Variants in PPP1CA observed in about 807,000 individuals in gnomAD.
PPP1CA encodes the protein protein phosphatase 1 catalytic subunit alpha.
A neutral mutation model predicts 38.5 loss-of-function variants in PPP1CA; 14 were observed. That is an observed-to-expected ratio of 0.36 (90% confidence interval 0.24 to 0.57). The LOEUF is 0.57. Ranked by LOEUF, PPP1CA falls within the 20% of genes least tolerant of loss-of-function variation. PPP1CA has a pLI of 0.80. For missense variants in PPP1CA, 277 were observed against 435.2 expected, an observed-to-expected ratio of 0.64 and a Z score of 3.23; for synonymous variants, 200 against 177.3, an observed-to-expected ratio of 1.13 and a Z score of -1.02.
In PPP1CA at chr11:67,399,175, G is replaced by C; in HGVS notation, c.524-12C>G. The C allele has an allele frequency of 6.2e-7, 1 of 1,608,490 alleles. No homozygotes were observed. Among genetic ancestry groups the C allele is most frequent in the Non-Finnish European group, 8.5e-7 (1 of 1,176,110 alleles). The stretch of plus-strand genomic sequence containing the variant: ...GTCCGGGGACAGGCCTGGGGGGCCG[G>C]GGGAAGGTCACTTCCTCAAACAAGG... On this transcript the variant is annotated splice_polypyrimidine_tract_variant and intron_variant, in intron 4 of 6. Transcript: ENST00000376745.
chr11:67,398,854 C>A lies in PPP1CA; in HGVS notation c.750G>T (p.Val250=), dbSNP rs1288805861. 2.5e-6 allele frequency: 4 copies of A among 1,612,562 alleles called. No homozygotes were observed. Among genetic ancestry groups the A allele is most frequent in the Non-Finnish European group, 3.4e-6 (4 of 1,179,960 alleles). ...DLDLICRAHQ[V]VEDGYEFFAK... ...CAAAGAACTCGTAGCCGTCTTCTACCACCTGGGCGAGGATGGGAGCAGTCA... is the reference window on the plus strand; with the variant it reads ...CAAAGAACTCGTAGCCGTCTTCTACAACCTGGGCGAGGATGGGAGCAGTCA... The change falls in exon 6 of 7, where the codon GTG becomes GTT. Residue 250 remains valine, a splice_region_variant and synonymous_variant. Transcript: ENST00000376745.
At position 67,398,913 on chromosome 11, in the gene PPP1CA, TGCCGCAGGCCGGA is replaced by T. The variant is rs762574765; in HGVS notation, c.747+14_747+26del. ...CGCAGGCACGGCCCTCCCCTTCCCC[TGCCGCAGGCCGGA>T]GCCACCAGCCCACCTGGTGTGCTCG... On this transcript the variant is annotated intron_variant, in intron 5 of 6. Transcript: ENST00000376745. The T allele has an allele frequency of 1.9e-6, 3 of 1,612,300 alleles. No individual in the cohort carries two copies. The African/African-American group carries it at 4.0e-5, about 21-fold the overall frequency.
Position 67,398,737 on chromosome 11 carries a change from G to T in PPP1CA, c.867C>A (p.Leu289=). The T allele has an allele frequency of 6.2e-7, 1 of 1,613,956 alleles. No individual in the cohort carries two copies. The highest frequency in any genetic ancestry group is 8.5e-7 in the Non-Finnish European group (1 of 1,179,984). ...CCACACTCACCTGGAAAGAGCACAT[G>T]AGGGTCTCGTCCACACTCATCATGG... ...AGAMMSVDET[L]MCSFQILKPA... The change falls in exon 6 of 7, where the codon CTC becomes CTA. Residue 289 remains leucine (L), a synonymous_variant. Transcript: ENST00000376745.
Position 67,400,690 on chromosome 11 carries a change from C to T in PPP1CA, c.417G>A (p.Glu139=), listed in dbSNP as rs764452133. The change falls in exon 3 of 7, where the codon GAG becomes GAA. Residue 139 remains glutamate (E), a splice_region_variant and synonymous_variant. Transcript: ENST00000376745. ...GCCCCAGACGCTCAGACCACTCACA[C>T]TCATCGTAGAAACCATAGATGCGGT... ...SINRIYGFYD[E]CKRRYNIKLW... is the part of the protein sequence containing the mutation. 23 of 1,613,682 alleles carry T rather than the reference C, an allele frequency of 1.4e-5. No individual in the cohort carries two copies. The highest frequency in any genetic ancestry group is 1.9e-5 in the Non-Finnish European group (23 of 1,179,992).
At chr11:67,399,184 C>T in intron 4 of PPP1CA, 21 bp from the exon 5 acceptor site, 2 of 1,600,994 alleles carry the variant, frequency 1.2e-6, no homozygotes, top group Non-Finnish European at 1.7e-6. Context: ...GGGGGAAGGT[C>T]ACTTCCTCAA....
Position 67,398,645 on chromosome 11 carries a change from T to C in PPP1CA, c.883A>G (p.Ile295Val), listed in dbSNP as rs758115919. 6.2e-7 allele frequency: 1 copy of C among 1,613,966 alleles called. No individual in the cohort carries two copies. Among genetic ancestry groups the C allele is most frequent in the East Asian group, 2.2e-5 (1 of 44,874 alleles). Residue 295 changes from isoleucine (I) to valine (V), a missense_variant and splice_region_variant, in exon 7 of 7, where the codon ATC becomes GTC. Transcript: ENST00000376745. ...TTGTTCTTGTCGGCGGGCTTGAGGA[T>C]CTAAAAGAGACAGTGTTGGTCAGGC... ...VDETLMCSFQ[I>V]LKPADKNKGK...
chr11:67,399,601 G>A lies in PPP1CA; in HGVS notation c.483C>T (p.Ile161=), dbSNP rs765435540. ...AGATCTTTTCGTCCACTATGGCCGC[G>A]ATGGGCAGGCAGTTGAAGCAGTCAG... The part of the protein sequence containing the change: ...TFTDCFNCLP[I]AAIVDEKIFC... The change falls in exon 4 of 7, where the codon ATC becomes ATT. Residue 161 remains isoleucine (I), a synonymous_variant. Transcript: ENST00000376745. 15 of 1,614,000 alleles carry A rather than the reference G, an allele frequency of 9.3e-6. No homozygotes were observed. Among genetic ancestry groups the A allele is most frequent in the African/African-American group, 8.0e-5 (6 of 74,940 alleles).
Position 67,401,769 on chromosome 11 carries a change from T to C in PPP1CA, c.14A>G (p.Glu5Gly). The C allele has an allele frequency of 6.8e-7, 1 of 1,476,384 alleles. No homozygotes were observed. The highest frequency in any genetic ancestry group is 9.1e-7 in the Non-Finnish European group (1 of 1,104,354). The allele number at this position is 1,476,384 out of a possible 1,614,324, so 91.5% of individuals were successfully genotyped here. A position where few individuals can be genotyped will look rare whatever the true frequency, so the allele number is the denominator to read the frequency against. MSDSEKLNLDSIIGR... is the reference protein window; with the variant it reads MSDSGKLNLDSIIGR... Reference sequence around the variant, plus strand: ...GATGATCGAGTCCAGGTTGAGCTTCTCGCTGTCGGACATGGCGGCGCCGCC... The same window carrying C: ...GATGATCGAGTCCAGGTTGAGCTTCCCGCTGTCGGACATGGCGGCGCCGCC... Residue 5 changes from glutamate to glycine, a missense_variant, in exon 1 of 7, where the codon GAG (glutamate) becomes GGG (glycine). Glu to Gly is a moderately conservative substitution (Grantham distance 98, BLOSUM62 -2). Transcript: ENST00000376745.
Position 67,401,705 on chromosome 11 carries a change from G to C in PPP1CA, c.55+23C>G, listed in dbSNP as rs981104136. 18 of 1,412,788 alleles carry C rather than the reference G, an allele frequency of 1.3e-5. No individual in the cohort carries two copies. In the African/African-American group the frequency reaches 2.2e-4, roughly 17 times the overall value. The allele number at this position is 1,412,788 out of a possible 1,614,324, so 87.5% of individuals were successfully genotyped here. ...CAGGGGGCCAGGGCGCGGCGGACGC[G>C]GGCCTCCCCCGCCCCGACCAACCTT... On this transcript the variant is annotated intron_variant, in intron 1 of 6. Coordinates refer to ENST00000376745, the MANE Select transcript of PPP1CA (RefSeq NM_002708.4).
At chr11:67,399,243 T>C (rs1033906963) in intron 4 of PPP1CA, 80 bp from the exon 5 acceptor site, 11 of 1,264,948 alleles carry the variant, frequency 8.7e-6, no homozygotes, top group South Asian at 2.7e-5. Flanking sequence ...ACCCCACCTT[T>C]CCCACCACCC....
intron 4 of PPP1CA, 28 bp downstream of exon 4, chr11:67,399,533 C>T (rs376350050): frequency 1.2e-6 from 2 of 1,600,262 alleles, no homozygotes; most frequent in South Asian, 2.2e-5. Context: ...GGCCAGTGCT[C>T]CTCCTCCCCA....
chr11:67,398,476 G>T lies in PPP1CA; in HGVS notation c.*59C>A, dbSNP rs1195714572. 26 of 1,542,570 alleles carry T rather than the reference G, an allele frequency of 1.7e-5. No individual in the cohort carries two copies. The highest frequency in any genetic ancestry group is 3.4e-5 in the Admixed American group (2 of 58,038). ...GGTCGGGGTGACCCCCCCCCAGCAT[G>T]GCAGCATGATTTCTGTACAATCAAT... On this transcript the variant is annotated 3_prime_UTR_variant, in exon 7 of 7. Transcript: ENST00000376745.
rs950171305 is a variant in PPP1CA at position 67,401,183 on chromosome 11, A to T, written c.72T>A (p.Pro24=). 1 of 1,613,724 alleles carries T rather than the reference A, an allele frequency of 6.2e-7. No homozygotes were observed. The highest frequency in any genetic ancestry group is 1.3e-5 in the African/African-American group (1 of 74,920). Residue 24 remains proline (P), a synonymous_variant, in exon 2 of 7, where the codon CCT becomes CCA. Coordinates refer to ENST00000376745, the MANE Select transcript of PPP1CA (RefSeq NM_002708.4). ...GRLLEVQGSR[P]GKNVQLTENE... ...TCTCTGTCAGCTGTACATTCTTGCC[A>T]GGCCGCGAGCCCTGCACTGGGGCGC...
intron 3 of PPP1CA, 89 bp downstream of exon 3, chr11:67,400,600 G>A (rs1172964883): frequency 1.5e-6 from 2 of 1,296,994 alleles, no homozygotes; most frequent in African/African-American, 2.9e-5. Context: ...TCAAGTGTCT[G>A]TCAGATATCA....
intron 1 of PPP1CA, 141 bp downstream of exon 1, chr11:67,401,587 G>C (rs902091359): frequency 5.7e-5 from 42 of 737,610 alleles, no homozygotes; most frequent in Non-Finnish European, 2.2e-5. Flanking sequence ...CGCGTCCGCG[G>C]GGGGGCAGCT....
rs945136158 is a variant in PPP1CA, at chr11:67,399,726, G to A, written c.419-61C>T. 5 of 1,403,186 alleles carry A rather than the reference G, an allele frequency of 3.6e-6. No individual in the cohort carries two copies. The Admixed American group carries it at 5.7e-5, about 16-fold the overall frequency. The allele number at this position is 1,403,186 out of a possible 1,614,324, so 86.9% of individuals were successfully genotyped here. ...ACCCCACCCTCAGCCAGGGTCCCTG[G>A]GCTATTCAGCCGTGGCTGGGAGGAG... On this transcript the variant is annotated intron_variant, in intron 3 of 6. Coordinates refer to ENST00000376745, the MANE Select transcript of PPP1CA (RefSeq NM_002708.4).
intron 1 of PPP1CA, 35 bp downstream of exon 1, chr11:67,401,693 C>T (rs1359739262): frequency 2.2e-6 from 3 of 1,378,004 alleles, no homozygotes; most frequent in Non-Finnish European, 2.8e-6. Flanking sequence ...GGGGCCAGGG[C>T]GCGGCGGACG....
At chr11:67,399,189 C>T (rs1024007814) in intron 4 of PPP1CA, 26 bp from the exon 5 acceptor site, 25 of 1,598,424 alleles carry the variant, frequency 1.6e-5, no homozygotes, top group African/African-American at 2.7e-5. Context: ...AAGGTCACTT[C>T]CTCAAACAAG....
At chr11:67,400,444 G>T (rs190853987) in intron 3 of PPP1CA, among the ~76,000 whole-genome samples, 2 of 152,362 alleles carry the variant, frequency 1.3e-5, no homozygotes, top group Admixed American at 6.5e-5. Context: ...AATGTAGGGG[G>T]AGTGTCACCA....
Sources: gnomAD v4.1 joint callset for allele counts (sites outside exome capture counted in the v4.1 genomes callset) on GRCh38, gnomAD v4.1.1 for gene constraint, MANE v1.5 for transcripts, NCBI Gene and HGNC (gene_info 2026-07-23, HGNC 2026-07-21) for gene names.